The following CNTN4 variants were observed in gnomAD, a reference collection of about 807,000 sequenced individuals.
The protein encoded by CNTN4 is contactin 4, also known as contactin-4.
A neutral mutation model predicts 122.5 loss-of-function variants in CNTN4; 77 were observed. That is an observed-to-expected ratio of 0.63 (90% CI 0.52 to 0.76). The LOEUF is 0.76. Ranked by LOEUF, CNTN4 falls within the 30% of genes least tolerant of loss-of-function variation. The pLI is 0.00. For missense variants in CNTN4, 1,256 were observed against 1,259.1 expected, an observed-to-expected ratio of 1.00 and a Z score of 0.04; for synonymous variants, 512 against 447.0, an observed-to-expected ratio of 1.15 and a Z score of -1.83.
At chr3:2,299,631 A>G (rs2042433913) in intron 2 of CNTN4, among the ~76,000 whole-genome samples, 2 of 152,116 alleles carry the variant, frequency 1.3e-5, no homozygotes, top group Admixed American at 6.5e-5. Context: ...TAGGGTTAAC[A>G]TTCATAATGA....
At chr3:2,743,508 T>G (rs1203520850) in intron 5 of CNTN4, among the ~76,000 whole-genome samples, 2 of 152,186 alleles carry the variant, frequency 1.3e-5, no homozygotes, top group Non-Finnish European at 2.9e-5. Context: ...CTTACCTCTC[T>G]TGTTTCTAAA....
intron 4 of CNTN4, among the ~76,000 whole-genome samples, chr3:2,726,104 C>T (rs1012332228): frequency 2.0e-5 from 3 of 152,264 alleles, no homozygotes; most frequent in Admixed American, 2.0e-4. Context: ...TTTAATTTTG[C>T]TCTTTTCTGT....
At chr3:2,116,596 C>G (rs1234143882) in intron 2 of CNTN4, among the ~76,000 whole-genome samples, 1 of 152,110 alleles carries the variant, frequency 6.6e-6, no homozygotes, top group African/African-American at 2.4e-5. Context: ...ACTAATTCTT[C>G]TAGGTAGATA....
At chr3:2,321,850 T>C (rs2043286709) in intron 2 of CNTN4, among the ~76,000 whole-genome samples, 1 of 152,174 alleles carries the variant, frequency 6.6e-6, no homozygotes, top group South Asian at 2.1e-4. Context: ...TGATTTGACC[T>C]TCATTTTTAC....
At chr3:2,495,189 C>A (rs2076421883) in intron 3 of CNTN4, among the ~76,000 whole-genome samples, 2 of 152,126 alleles carry the variant, frequency 1.3e-5, no homozygotes, top group African/African-American at 4.8e-5. Context: ...AATGACAGGC[C>A]TTCAAGTTCT....
chr3:2,490,226 C>A (rs1041560687), intron 3 of CNTN4, among the ~76,000 whole-genome samples: 1 of 152,212 alleles, frequency 6.6e-6, no homozygotes, highest in Admixed American at 6.5e-5. Context: ...ACACGCTCAT[C>A]TGAGCATGGC....
In CNTN4 at chr3:2,677,867, T is replaced by C. The variant is rs1351122976; in HGVS notation, c.56-58348T>C. Reference sequence around the variant, plus strand: ...TCAAAAAATGAGAAACGGTACAATTTGCAATAAACACAAGAGTGTGTATTT... The same window carrying C: ...TCAAAAAATGAGAAACGGTACAATTCGCAATAAACACAAGAGTGTGTATTT... On this transcript the variant is annotated intron_variant, in intron 4 of 24. Coordinates refer to ENST00000418658, the MANE Select transcript of CNTN4 (RefSeq NM_175607.3). Among the ~76,000 whole-genome samples, 4 of 152,304 alleles carry C rather than the reference T, an allele frequency of 2.6e-5. No homozygotes were observed. In the East Asian group the frequency reaches 7.7e-4, roughly 29 times the overall value.
intron 2 of CNTN4, among the ~76,000 whole-genome samples, chr3:2,322,412 CACTA>C (rs531492636): frequency 2.0e-3 from 308 of 152,256 alleles, no homozygotes; most frequent in African/African-American, 5.3e-3. Context: ...ACCTTGAAAA[CACTA>C]ACTGACTGAA....
chr3:2,750,966 A>G (rs566351533), intron 6 of CNTN4, among the ~76,000 whole-genome samples: 1 of 152,114 alleles, frequency 6.6e-6, no homozygotes, highest in Non-Finnish European at 1.5e-5. Flanking sequence ...TTAATTCCTT[A>G]TAAGTGTTTC....
chr3:2,675,003 T>C (rs1347814157), intron 4 of CNTN4, among the ~76,000 whole-genome samples: 1 of 152,124 alleles, frequency 6.6e-6, no homozygotes, highest in African/African-American at 2.4e-5. Context: ...AAATATTTTA[T>C]GGATAAGACC....
intron 4 of CNTN4, among the ~76,000 whole-genome samples, chr3:2,634,263 T>C (rs1238424261): frequency 6.6e-6 from 1 of 152,224 alleles, no homozygotes; most frequent in African/African-American, 2.4e-5. Flanking sequence ...AACTAGTCTA[T>C]AATGCAAACA....
At chr3:2,431,476 T>G (rs757592409) in intron 3 of CNTN4, among the ~76,000 whole-genome samples, 1 of 152,228 alleles carries the variant, frequency 6.6e-6, no homozygotes, top group Admixed American at 6.5e-5. Context: ...GATACAAACA[T>G]CTCCACTTTT....
At chr3:2,684,344 C>G (rs1326173397) in intron 4 of CNTN4, among the ~76,000 whole-genome samples, 1 of 152,030 alleles carries the variant, frequency 6.6e-6, no homozygotes, top group East Asian at 1.9e-4. Context: ...GAATCCTGGA[C>G]AGCTAGGGGA....
At chr3:2,578,774 C>G (rs896243872) in intron 4 of CNTN4, among the ~76,000 whole-genome samples, 3 of 152,080 alleles carry the variant, frequency 2.0e-5, no homozygotes, top group Non-Finnish European at 2.9e-5. Context: ...GCTCTACGCT[C>G]TCTCATAACT....
At chr3:2,555,243 G>C (rs1007198392) in intron 3 of CNTN4, among the ~76,000 whole-genome samples, 1 of 152,172 alleles carries the variant, frequency 6.6e-6, no homozygotes, top group Non-Finnish European at 1.5e-5. Flanking sequence ...ACCTTCTTAA[G>C]TGGTTCTGGA....
chr3:2,482,348 C>T (rs2076029313), intron 3 of CNTN4, among the ~76,000 whole-genome samples: 1 of 151,618 alleles, frequency 6.6e-6, no homozygotes, highest in Non-Finnish European at 1.5e-5. Flanking sequence ...GGGTACCTGA[C>T]AGAAGCAATT....
In CNTN4 at chr3:2,988,368, A is replaced by G. The variant is rs150581519; in HGVS notation, c.1382A>G (p.Asn461Ser). 211 of 1,613,650 alleles carry G rather than the reference A, an allele frequency of 1.3e-4. No homozygotes were observed. The African/African-American group carries it at 2.7e-3, about 20-fold the overall frequency. Residue 461 changes from asparagine to serine, a missense_variant, in exon 14 of 25, where the codon AAC becomes AGC. By Grantham distance (46) the Asn-to-Ser change is conservative. Transcript: ENST00000418658. The part of the protein sequence containing the change: ...NERITISEDG[N>S]LRIINVTKSD... Reference sequence around the variant, plus strand: ...AGAATTACCATTTCTGAAGATGGAAACCTCAGAATCATCAACGTTACTAAA... The same window carrying G: ...AGAATTACCATTTCTGAAGATGGAAGCCTCAGAATCATCAACGTTACTAAA...
intron 2 of CNTN4, among the ~76,000 whole-genome samples, chr3:2,246,597 A>T (rs746652397): frequency 6.6e-6 from 1 of 152,032 alleles, no homozygotes; most frequent in African/African-American, 2.4e-5. Context: ...GATTTATTAC[A>T]CATATTGGCA....
At chr3:2,925,178 A>G (rs2094461731) in intron 12 of CNTN4, among the ~76,000 whole-genome samples, 1 of 152,202 alleles carries the variant, frequency 6.6e-6, no homozygotes, top group South Asian at 2.1e-4. Flanking sequence ...AGTTTACTAA[A>G]TCCATCAAAA....
Sources: allele counts gnomAD v4.1 joint callset (sites outside exome capture counted in the v4.1 genomes callset), GRCh38; gene constraint gnomAD v4.1.1; transcripts MANE v1.5; gene names NCBI Gene and HGNC (gene_info 2026-07-23, HGNC 2026-07-21).